The following MBD5 variants were observed in gnomAD, a reference collection of about 807,000 sequenced individuals.
MBD5 encodes the protein methyl-CpG binding domain protein 5.
MBD5 carries 13 observed loss-of-function variants against 117.3 expected under a neutral mutation model. The observed-to-expected ratio is 0.11, with a 90% CI of 0.07 to 0.18. The LOEUF is 0.18. Ranked by LOEUF, MBD5 falls within the 10% of genes least tolerant of loss-of-function variation. The pLI, the probability that MBD5 is intolerant of heterozygous loss-of-function variation, is 1.00. For synonymous variants in MBD5, 727 were observed against 766.4 expected, an observed-to-expected ratio of 0.95 and a Z score of 0.85; for missense variants, 1,879 against 2,093.8, an observed-to-expected ratio of 0.90 and a Z score of 2.00.
At chr2:148,288,723 T>C (rs1277853069) in intron 3 of MBD5, among the ~76,000 whole-genome samples, 1 of 152,020 alleles carries the variant, frequency 6.6e-6, no homozygotes, top group Non-Finnish European at 1.5e-5. Context: ...CAGGATACTT[T>C]GTTAGAAGTG....
intron 1 of MBD5, among the ~76,000 whole-genome samples, chr2:148,118,217 A>G (rs1463030629): frequency 6.6e-6 from 1 of 152,200 alleles, no homozygotes; most frequent in Non-Finnish European, 1.5e-5. Flanking sequence ...ACAGAGTCTC[A>G]TTCTACCAAA....
At chr2:148,412,938 A>G (rs182989296) in intron 4 of MBD5, among the ~76,000 whole-genome samples, 93 of 152,162 alleles carry the variant, frequency 6.1e-4, no homozygotes, top group Admixed American at 1.4e-3. Flanking sequence ...TTCTATTTCA[A>G]TGACTTTTAT....
chr2:148,438,440 T>A (rs1706218734), intron 4 of MBD5, among the ~76,000 whole-genome samples: 2 of 152,200 alleles, frequency 1.3e-5, no homozygotes, highest in Admixed American at 1.3e-4. Flanking sequence ...TATCTGTCAT[T>A]ATTAAGTAGC....
chr2:148,453,652 G>C (rs896338183), intron 4 of MBD5, among the ~76,000 whole-genome samples: 1 of 151,880 alleles, frequency 6.6e-6, no homozygotes, highest in Admixed American at 6.6e-5. Context: ...TGTGAAATAG[G>C]TACTTCTAAA....
intron 1 of MBD5, among the ~76,000 whole-genome samples, chr2:148,057,066 A>T (rs1407577555): frequency 7.2e-5 from 11 of 151,768 alleles, no homozygotes; most frequent in Admixed American, 4.6e-4. Context: ...GTTTCATTTT[A>T]AATATTTAAT....
At chr2:148,418,215 G>A (rs555215382) in intron 4 of MBD5, among the ~76,000 whole-genome samples, 32 of 152,136 alleles carry the variant, frequency 2.1e-4, no homozygotes, top group African/African-American at 7.5e-4. Context: ...TGCATAGTTT[G>A]CAAATATTTT....
chr2:148,154,514 G>C (rs1001469546), intron 1 of MBD5, among the ~76,000 whole-genome samples: 1 of 152,182 alleles, frequency 6.6e-6, no homozygotes, highest in East Asian at 1.9e-4. Flanking sequence ...GGCAATGGTG[G>C]GCGCCCCTCC....
At chr2:148,302,280 T>A (rs1399896592) in intron 3 of MBD5, among the ~76,000 whole-genome samples, 1 of 152,190 alleles carries the variant, frequency 6.6e-6, no homozygotes, top group African/African-American at 2.4e-5. Context: ...AGTGTTAAGT[T>A]CTGTATTATT....
intron 4 of MBD5, among the ~76,000 whole-genome samples, chr2:148,393,620 T>G (rs893366035): frequency 2.0e-5 from 3 of 152,150 alleles, no homozygotes; most frequent in African/African-American, 4.8e-5. Flanking sequence ...AACTAAATTA[T>G]CCTAACTCAA....
intron 3 of MBD5, among the ~76,000 whole-genome samples, chr2:148,286,559 A>G (rs1232584350): frequency 2.0e-5 from 3 of 152,216 alleles, no homozygotes; most frequent in Non-Finnish European, 4.4e-5. Flanking sequence ...ATTGCAGATG[A>G]TGGACATTGC....
chr2:148,325,326 G>T (rs1702415968), intron 3 of MBD5, among the ~76,000 whole-genome samples: 1 of 152,136 alleles, frequency 6.6e-6, no homozygotes, highest in South Asian at 2.1e-4. Context: ...CCAGGCTTTG[G>T]TATCAGGATG....
intron 8 of MBD5, among the ~76,000 whole-genome samples, chr2:148,479,224 A>G (rs1681066380): frequency 6.6e-6 from 1 of 152,176 alleles, no homozygotes; most frequent in African/African-American, 2.4e-5. Context: ...CAACTTCTCG[A>G]AATATCTGGA....
chr2:148,374,886 CT>C (rs1456983343), intron 4 of MBD5, among the ~76,000 whole-genome samples: 1 of 152,104 alleles, frequency 6.6e-6, no homozygotes, highest in African/African-American at 2.4e-5. Context: ...TTTTTTACTC[CT>C]ATGTATGCTT....
intron 2 of MBD5, among the ~76,000 whole-genome samples, chr2:148,195,383 T>C (rs1432779203): frequency 6.6e-6 from 1 of 152,122 alleles, no homozygotes; most frequent in Non-Finnish European, 1.5e-5. Context: ...CACTTAACAA[T>C]AGATCTTAAA....
At chr2:148,393,581 C>T (rs948769053) in intron 4 of MBD5, among the ~76,000 whole-genome samples, 26 of 152,154 alleles carry the variant, frequency 1.7e-4, no homozygotes, top group Non-Finnish European at 3.2e-4. Context: ...TCCCTATGCA[C>T]CAACACTATA....
intron 1 of MBD5, among the ~76,000 whole-genome samples, chr2:148,124,506 A>G (rs1431660422): frequency 6.6e-6 from 1 of 151,538 alleles, no homozygotes; most frequent in Non-Finnish European, 1.5e-5. Flanking sequence ...TGAGACCAGT[A>G]AGTCAAGATT....
chr2:148,091,810 G>A (rs1695950599), intron 1 of MBD5, among the ~76,000 whole-genome samples: 1 of 151,830 alleles, frequency 6.6e-6, no homozygotes, highest in South Asian at 2.1e-4. Flanking sequence ...AAAGATAAAC[G>A]GATGGGACCT....
rs142891851 is a variant in MBD5, at chr2:148,139,095, C to A, written c.-924-39605C>A. Among the ~76,000 whole-genome samples, 59 of 152,222 alleles carry A rather than the reference C, an allele frequency of 3.9e-4. No homozygotes were observed. The East Asian group carries it at 8.3e-3, about 21-fold the overall frequency. ...TTTTTGAGTTTAGCAAATTTTGAAA[C>A]TATTTTTATGCCCTATTGATTATCT... On this transcript the variant is annotated intron_variant, in intron 1 of 13. Coordinates refer to ENST00000642680, the MANE Select transcript of MBD5 (RefSeq NM_001378120.1).
At chr2:148,139,393 A>G (rs533294033) in intron 1 of MBD5, among the ~76,000 whole-genome samples, 5 of 152,048 alleles carry the variant, frequency 3.3e-5, no homozygotes, top group Non-Finnish European at 1.5e-5. Flanking sequence ...TTTAGTAGAG[A>G]CGGGGTTTCT....
Sources: allele counts gnomAD v4.1 joint callset (sites outside exome capture counted in the v4.1 genomes callset), GRCh38; gene constraint gnomAD v4.1.1; transcripts MANE v1.5; gene names NCBI Gene and HGNC (gene_info 2026-07-23, HGNC 2026-07-21).